FAT3: variants seen among roughly 807,000 people sequenced by gnomAD.
The protein encoded by FAT3 is FAT atypical cadherin 3.
Under a neutral mutation model 310.2 loss-of-function variants are expected in FAT3, and 95 were observed. The observed-to-expected ratio is 0.31, with a 90% confidence interval of 0.26 to 0.36. FAT3 has a LOEUF of 0.36. Among genes scored for constraint, FAT3 ranks in the 10% least tolerant of loss-of-function variants. FAT3 has a pLI of 1.00. For synonymous variants in FAT3, 2,314 were observed against 2,192.9 expected, an observed-to-expected ratio of 1.06 and a Z score of -1.54; for missense variants, 5,408 against 5,715.6, an observed-to-expected ratio of 0.95 and a Z score of 1.74.
chr11:92,346,645 T>C (rs1363090402), intron 1 of FAT3, among the ~76,000 whole-genome samples: 1 of 152,182 alleles, frequency 6.6e-6, no homozygotes, highest in Non-Finnish European at 1.5e-5. Flanking sequence ...CCGGACACTA[T>C]GTTAAGCCTT....
At position 92,709,116 on chromosome 11, in the gene FAT3, C is replaced by G. The variant is rs189037901; in HGVS notation, c.3669+11671C>G. On this transcript the variant is annotated intron_variant, in intron 4 of 27. Coordinates refer to ENST00000525166, the MANE Select transcript of FAT3 (RefSeq NM_001367949.2). ...GGATGGGACAAATAACTAATTTCCCCCGGCCAGCCATGTTCAGGCCTGTCC... is the reference window on the plus strand; with the variant it reads ...GGATGGGACAAATAACTAATTTCCCGCGGCCAGCCATGTTCAGGCCTGTCC... 6.1e-3 allele frequency among the ~76,000 whole-genome samples: 931 copies of G among 152,314 alleles called. 9 individuals are homozygous for G. The highest frequency in any genetic ancestry group is 0.017 in the Middle Eastern group (5 of 292).
chr11:92,673,580 G>A (rs1024759102), intron 3 of FAT3, among the ~76,000 whole-genome samples: 1 of 152,178 alleles, frequency 6.6e-6, no homozygotes, highest in Non-Finnish European at 1.5e-5. Context: ...TAGGCACTCA[G>A]ATGCAAAGAT....
At chr11:92,817,787 T>G (rs936838647) in intron 13 of FAT3, among the ~76,000 whole-genome samples, 9 of 152,230 alleles carry the variant, frequency 5.9e-5, no homozygotes, top group African/African-American at 2.2e-4. Context: ...GATTGTTAGA[T>G]GGAGATTTTT....
intron 13 of FAT3, among the ~76,000 whole-genome samples, chr11:92,829,128 TCCCTAAGGAGATTGG>T (rs1948173848): frequency 6.6e-6 from 1 of 152,148 alleles, no homozygotes; most frequent in South Asian, 2.1e-4. Context: ...TCTCCTGAAA[TCCCTAAGGAGATTGG>T]GCAAAGAGCC....
chr11:92,637,036 C>T (rs1314723319), intron 3 of FAT3, among the ~76,000 whole-genome samples: 1 of 152,158 alleles, frequency 6.6e-6, no homozygotes, highest in Non-Finnish European at 1.5e-5. Context: ...TTCAAAGGAT[C>T]GGTCATTCAA....
intron 13 of FAT3, among the ~76,000 whole-genome samples, chr11:92,811,759 T>C (rs1203092349): frequency 6.6e-6 from 1 of 151,970 alleles, no homozygotes; most frequent in Non-Finnish European, 1.5e-5. Context: ...GAGACAGAGA[T>C]TATAGGGGTG....
At chr11:92,653,844 G>A (rs566630953) in intron 3 of FAT3, among the ~76,000 whole-genome samples, 2 of 151,986 alleles carry the variant, frequency 1.3e-5, no homozygotes, top group South Asian at 4.2e-4. Context: ...TAGATTATTT[G>A]TGCTGTCACT....
chr11:92,823,061 G>C (rs1465195360), intron 13 of FAT3, among the ~76,000 whole-genome samples: 3 of 152,130 alleles, frequency 2.0e-5, no homozygotes, highest in African/African-American at 7.2e-5. Context: ...ATACATGCTT[G>C]TCTCCTGAGA....
chr11:92,725,166 A>G lies in FAT3; in HGVS notation c.3669+27721A>G, dbSNP rs1437374259. Among the ~76,000 whole-genome samples the G allele has an allele frequency of 2.0e-5, 3 of 152,314 alleles. No individual in the cohort carries two copies. In the East Asian group the frequency reaches 5.8e-4, roughly 29 times the overall value. ...GGAGCAGGTAGTGAGAAATCACCCA[A>G]TATAGTCTCACAACCTTGTTAAAAC... On this transcript the variant is annotated intron_variant, in intron 4 of 27. Coordinates refer to ENST00000525166, the MANE Select transcript of FAT3 (RefSeq NM_001367949.2).
intron 3 of FAT3, among the ~76,000 whole-genome samples, chr11:92,643,928 G>A (rs1444936259): frequency 2.6e-5 from 4 of 152,242 alleles, no homozygotes; most frequent in Admixed American, 2.6e-4. Flanking sequence ...TAGATGCCTA[G>A]TAAATATTTG....
rs374509452 is a variant in FAT3 at position 92,319,264 on chromosome 11, G to C, written c.-17-32832G>C. On this transcript the variant is annotated intron_variant, in intron 1 of 27. Coordinates refer to ENST00000525166, the MANE Select transcript of FAT3 (RefSeq NM_001367949.2). ...GTGGTTTTCTTTCGTTGTTCAAGTTGATCGGGATATAATTGGTTGATACTC... is the reference window on the plus strand; with the variant it reads ...GTGGTTTTCTTTCGTTGTTCAAGTTCATCGGGATATAATTGGTTGATACTC... 1.6e-4 allele frequency among the ~76,000 whole-genome samples: 24 copies of C among 152,284 alleles called. No homozygotes were observed. In the South Asian group the frequency reaches 3.1e-3, roughly 20 times the overall value.
chr11:92,499,723 A>ATGTGTGTGTGTGTGTGTG lies in FAT3; in HGVS notation c.3293-24896_3293-24879dup, dbSNP rs61267708. On this transcript the variant is annotated intron_variant, in intron 2 of 27. Transcript: ENST00000525166. ...ATCTTGTGTGTGTGTATGTGTGTGT[A>ATGTGTGTGTGTGTGTGTG]TGTGTGTGTGTGTGTGTGTGTGTGT... Among the ~76,000 whole-genome samples, 414 of 127,808 alleles carry ATGTGTGTGTGTGTGTGTG rather than the reference A, an allele frequency of 3.2e-3. 4 individuals are homozygous for ATGTGTGTGTGTGTGTGTG. The highest frequency in any genetic ancestry group is 0.01 in the African/African-American group (399 of 38,130). The allele number at this position is 127,808 out of a possible 152,430, so 83.8% of individuals were successfully genotyped here.
intron 2 of FAT3, among the ~76,000 whole-genome samples, chr11:92,509,138 A>G (rs925121300): frequency 2.6e-5 from 4 of 152,178 alleles, no homozygotes; most frequent in Non-Finnish European, 4.4e-5. Context: ...ATGTTAATTT[A>G]TGAAATCAGT....
intron 1 of FAT3, among the ~76,000 whole-genome samples, chr11:92,338,990 C>T (rs1437098662): frequency 6.6e-6 from 1 of 152,152 alleles, no homozygotes; most frequent in African/African-American, 2.4e-5. Context: ...GAACATGATC[C>T]CCAGAACCTC....
intron 6 of FAT3, among the ~76,000 whole-genome samples, chr11:92,772,362 G>GT (rs1209705882): frequency 2.0e-5 from 3 of 151,810 alleles, no homozygotes; most frequent in African/African-American, 4.8e-5. Flanking sequence ...AAATGATCAT[G>GT]TTTTTTTTCT....
chr11:92,578,545 T>C (rs1938613477), intron 3 of FAT3, among the ~76,000 whole-genome samples: 1 of 152,160 alleles, frequency 6.6e-6, no homozygotes, highest in African/African-American at 2.4e-5. Context: ...TGTGCCTTGT[T>C]GCCCACAACA....
At chr11:92,463,477 A>T (rs1951683571) in intron 2 of FAT3, among the ~76,000 whole-genome samples, 1 of 152,196 alleles carries the variant, frequency 6.6e-6, no homozygotes, top group South Asian at 2.1e-4. Flanking sequence ...AATGGGGTTG[A>T]ATACTACTAG....
chr11:92,841,823 C>T (rs72964531), intron 18 of FAT3, among the ~76,000 whole-genome samples: 86 of 152,314 alleles, frequency 5.6e-4, no homozygotes, highest in Admixed American at 1.0e-3. Context: ...TTGCCACTGC[C>T]TCACTGTATT....
intron 1 of FAT3, among the ~76,000 whole-genome samples, chr11:92,272,900 C>T (rs2134340893): frequency 6.6e-6 from 1 of 152,220 alleles, no homozygotes; most frequent in South Asian, 2.1e-4. Context: ...ACAGATGGAG[C>T]TCTGGCCAGG....
Sources: allele counts gnomAD v4.1 joint callset (sites outside exome capture counted in the v4.1 genomes callset), GRCh38; gene constraint gnomAD v4.1.1; transcripts MANE v1.5; gene names NCBI Gene and HGNC (gene_info 2026-07-23, HGNC 2026-07-21).